CSMD1: variants seen among roughly 807,000 people sequenced by gnomAD.
CSMD1 encodes the protein CUB and Sushi multiple domains 1, also known as CUB and sushi domain-containing protein 1.
Under a neutral mutation model 417.5 loss-of-function variants are expected in CSMD1, and 213 were observed. The observed-to-expected ratio is 0.51, with a 90% CI of 0.46 to 0.57. The LOEUF (loss-of-function observed/expected upper bound fraction) is 0.57, where lower values mean the gene tolerates loss of function less well. Among genes scored for constraint, CSMD1 ranks in the 20% least tolerant of loss-of-function variants. The pLI is 0.00. For missense variants in CSMD1, 6,923 were observed against 4,529.7 expected, an observed-to-expected ratio of 1.53 and a Z score of -15.17; for synonymous variants, 2,862 against 1,736.8, an observed-to-expected ratio of 1.65 and a Z score of -16.11.
At chr8:3,236,543 T>C (rs955206901) in intron 26 of CSMD1, among the ~76,000 whole-genome samples, 2 of 152,192 alleles carry the variant, frequency 1.3e-5, no homozygotes, top group African/African-American at 2.4e-5. Flanking sequence ...GATGCAAAGA[T>C]GTTTTCTGTT....
At chr8:4,038,202 C>G (rs986148294) in intron 3 of CSMD1, among the ~76,000 whole-genome samples, 2 of 151,948 alleles carry the variant, frequency 1.3e-5, no homozygotes, top group African/African-American at 4.8e-5. Context: ...AACAAATTTT[C>G]TTTTTAAAAA....
chr8:4,005,995 G>C (rs188393017), intron 4 of CSMD1, among the ~76,000 whole-genome samples: 2 of 152,276 alleles, frequency 1.3e-5, no homozygotes, highest in East Asian at 3.9e-4. Context: ...AGAATGAGCA[G>C]AGAAGGGTTT....
chr8:4,386,895 T>C (rs953633040), intron 3 of CSMD1, among the ~76,000 whole-genome samples: 9 of 152,212 alleles, frequency 5.9e-5, no homozygotes, highest in Non-Finnish European at 1.3e-4. Context: ...TATAGTATCA[T>C]GAATAGTTAA....
intron 1 of CSMD1, among the ~76,000 whole-genome samples, chr8:4,758,320 T>C (rs558602640): frequency 1.3e-5 from 2 of 152,308 alleles, no homozygotes; most frequent in African/African-American, 4.8e-5. Context: ...AATTCGCTGG[T>C]TCTGATTCTT....
chr8:4,624,362 C>A (rs1801973283), intron 2 of CSMD1, among the ~76,000 whole-genome samples: 2 of 152,080 alleles, frequency 1.3e-5, no homozygotes, highest in African/African-American at 2.4e-5. Flanking sequence ...AAGAAAGTAA[C>A]CGAAATCTAG....
intron 3 of CSMD1, among the ~76,000 whole-genome samples, chr8:4,083,808 A>G (rs928357720): frequency 6.6e-6 from 1 of 152,194 alleles, no homozygotes; most frequent in Non-Finnish European, 1.5e-5. Flanking sequence ...ATAACACCAA[A>G]AGCAATGGCA....
chr8:4,745,487 T>G (rs1302648624), intron 1 of CSMD1, among the ~76,000 whole-genome samples: 1 of 152,212 alleles, frequency 6.6e-6, no homozygotes, highest in Non-Finnish European at 1.5e-5. Flanking sequence ...GTATCATATA[T>G]TCTTTCTTAG....
chr8:4,732,029 C>T (rs1276028654), intron 1 of CSMD1, among the ~76,000 whole-genome samples: 2 of 152,136 alleles, frequency 1.3e-5, no homozygotes, highest in African/African-American at 2.4e-5. Flanking sequence ...CCAGTGTTGA[C>T]TGCATGCCTC....
intron 1 of CSMD1, among the ~76,000 whole-genome samples, chr8:4,961,115 C>G (rs1439476168): frequency 6.6e-6 from 1 of 152,056 alleles, no homozygotes; most frequent in Non-Finnish European, 1.5e-5. Flanking sequence ...CTATAAAATC[C>G]AAGTCATTTA....
chr8:4,764,526 T>G (rs980418834), intron 1 of CSMD1, among the ~76,000 whole-genome samples: 2 of 152,100 alleles, frequency 1.3e-5, no homozygotes, highest in Non-Finnish European at 2.9e-5. Context: ...TTCTTCAAAT[T>G]AAGTGTTCTG....
At chr8:3,998,906 A>G (rs1815438849) in intron 4 of CSMD1, among the ~76,000 whole-genome samples, 1 of 149,282 alleles carries the variant, frequency 6.7e-6, no homozygotes. Context: ...ATGGTAGTTT[A>G]TATATAAATA....
chr8:4,560,209 G>C (rs1443719028), intron 2 of CSMD1, among the ~76,000 whole-genome samples: 1 of 152,228 alleles, frequency 6.6e-6, no homozygotes, highest in Non-Finnish European at 1.5e-5. Context: ...AGCAGCAGCA[G>C]CAAAGCTAAG....
chr8:4,300,804 A>T lies in CSMD1; in HGVS notation c.415+119149T>A, dbSNP rs1332792120. ...GCAGTGTTTGGTTTTTTGTCCTGGC[A>T]ATAGTTTGCTGAGAATGATGGTTTC... is the stretch of plus-strand genomic sequence containing the variant. On this transcript the variant is annotated intron_variant, in intron 3 of 69. Transcript: ENST00000635120. Among the ~76,000 whole-genome samples, 3 of 152,038 alleles carry T rather than the reference A, an allele frequency of 2.0e-5. No homozygotes were observed. In the East Asian group the frequency reaches 5.8e-4, roughly 29 times the overall value.
At chr8:3,128,788 T>C (rs1213585247) in intron 41 of CSMD1, 3 of 429,506 alleles carry the variant, frequency 7.0e-6, no homozygotes, top group Non-Finnish European at 1.4e-5. Flanking sequence ...AAAAAACATG[T>C]TGTTTCGAGT....
chr8:3,443,770 T>G (rs193226606), intron 12 of CSMD1, among the ~76,000 whole-genome samples: 60 of 152,302 alleles, frequency 3.9e-4, no homozygotes, highest in Admixed American at 1.0e-3. Context: ...TGAAATACAG[T>G]AATTTGATTG....
chr8:3,766,541 A>T (rs546614282), intron 5 of CSMD1, among the ~76,000 whole-genome samples: 2 of 152,298 alleles, frequency 1.3e-5, no homozygotes, highest in African/African-American at 4.8e-5. Flanking sequence ...AACAGGGAGC[A>T]GTCGGCACTG....
intron 12 of CSMD1, among the ~76,000 whole-genome samples, chr8:3,418,638 C>G (rs1813304763): frequency 6.6e-6 from 1 of 152,104 alleles, no homozygotes; most frequent in African/African-American, 2.4e-5. Context: ...CTGCCATAAC[C>G]TGCAACGTAA....
Position 3,493,475 on chromosome 8 carries a change from A to T in CSMD1, c.1448+148T>A, listed in dbSNP as rs879246264. 85 of 591,804 alleles carry T rather than the reference A, an allele frequency of 1.4e-4. No homozygotes were observed. The South Asian group carries it at 1.8e-3, about 12-fold the overall frequency. 36.7% of individuals were successfully genotyped at this position (591,804 alleles called of 1,614,324 possible). On this transcript the variant is annotated intron_variant, in intron 11 of 69. Coordinates refer to ENST00000635120, the MANE Select transcript of CSMD1 (RefSeq NM_033225.6). ...ATACTCATAATGTGTTCTCATACAAAATGAGATTGCAGGCCACTACATTAG... is the reference window on the plus strand; with the variant it reads ...ATACTCATAATGTGTTCTCATACAATATGAGATTGCAGGCCACTACATTAG...
intron 48 of CSMD1, among the ~76,000 whole-genome samples, chr8:3,091,130 A>T (rs1215397825): frequency 6.6e-6 from 1 of 152,042 alleles, no homozygotes; most frequent in Non-Finnish European, 1.5e-5. Context: ...AAACATAACT[A>T]TTAATAGTAA....
Sources: allele counts gnomAD v4.1 joint callset (sites outside exome capture counted in the v4.1 genomes callset), GRCh38; gene constraint gnomAD v4.1.1; transcripts MANE v1.5; gene names NCBI Gene and HGNC (gene_info 2026-07-23, HGNC 2026-07-21).